The following TMEM204 variants were observed in gnomAD, a reference collection of about 807,000 sequenced individuals.
TMEM204 encodes transmembrane protein 204.
In TMEM204, 15 loss-of-function variants were observed where a neutral mutation model predicts 19.4. The ratio of observed to expected loss-of-function variants is 0.77; its 90% CI spans 0.52 to 1.19. The LOEUF (loss-of-function observed/expected upper bound fraction) is 1.19. Among genes scored for constraint, TMEM204 ranks in the 50% most tolerant of loss-of-function variants. The probability of loss-of-function intolerance (pLI) is 0.00; values close to 1 mark genes in which losing one functional copy is unlikely to be tolerated. For synonymous variants in TMEM204, 161 were observed against 146.0 expected (o/e 1.10, Z -0.74); for missense variants, 287 against 321.2 (o/e 0.89, Z 0.81).
chr16:1,541,022 T>C (rs2031581556), intron 1 of TMEM204: 1 of 985,244 alleles, frequency 1.0e-6, no homozygotes, highest in Non-Finnish European at 1.2e-6. Context: ...CGGGAGAACA[T>C]TTCTCTGCTA....
At chr16:1,548,866 G>A (rs1231095598) in intron 2 of TMEM204, among the ~76,000 whole-genome samples, 1 of 152,260 alleles carries the variant, frequency 6.6e-6, no homozygotes, top group East Asian at 1.9e-4. Context: ...AGCTACAGGC[G>A]CCTCTGCATT....
intron 2 of TMEM204, among the ~76,000 whole-genome samples, chr16:1,547,378 T>G (rs1485425076): frequency 6.6e-6 from 1 of 152,244 alleles, no homozygotes; most frequent in African/African-American, 2.4e-5. Context: ...CTGGAGACGC[T>G]GACTTTATCA....
rs544853706 is a variant in TMEM204, at chr16:1,535,570, C to T, written c.280+1015C>T. On this transcript the variant is annotated intron_variant, in intron 1 of 2. Coordinates refer to ENST00000566264, the MANE Select transcript of TMEM204 (RefSeq NM_024600.6). ...AGGCTTCCGAGGGAGTCCCGGAGTA[C>T]TGGGGTAACACACATCACGTGTGCC... Among the ~76,000 whole-genome samples the T allele has an allele frequency of 2.0e-5, 3 of 152,302 alleles. No individual in the cohort carries two copies. The South Asian group carries it at 6.2e-4, about 32-fold the overall frequency.
chr16:1,532,675 G>A (rs1269972628), upstream of TMEM204: 1 of 152,416 alleles, frequency 6.6e-6, no homozygotes, highest in East Asian at 1.9e-4. Context: ...CACGGATGTG[G>A]GACACCTGCA....
chr16:1,547,563 G>A (rs549802211), intron 2 of TMEM204, among the ~76,000 whole-genome samples: 2 of 152,090 alleles, frequency 1.3e-5, no homozygotes, highest in African/African-American at 2.4e-5. Context: ...TCGAGATAGG[G>A]TCTCACTCCG....
chr16:1,553,118 T>C lies in TMEM204; in HGVS notation c.437-1664T>C. 2.0e-6 allele frequency: 2 copies of C among 985,402 alleles called. No individual in the cohort carries two copies. The highest frequency in any genetic ancestry group is 2.4e-6 in the Non-Finnish European group (2 of 829,928). 61.0% of individuals were successfully genotyped at this position (985,402 alleles called of 1,614,324 possible). ...TCATACTTTCTGGAGGGTACAGTGA[T>C]GATGAAAAGATAATGCTTGGGTTTT... On this transcript the variant is annotated intron_variant, in intron 2 of 2. Transcript: ENST00000566264. This position sits in a 1 kb window ranked among gnomAD's most constrained non-coding sequence, Gnocchi z 4.4.
Position 1,553,690 on chromosome 16 carries a change from G to T in TMEM204, c.437-1092G>T. On this transcript the variant is annotated intron_variant, in intron 2 of 2. Coordinates refer to ENST00000566264, the MANE Select transcript of TMEM204 (RefSeq NM_024600.6). The surrounding 1 kb of genome is among the most constrained non-coding windows in gnomAD (Gnocchi z 4.4). ...GAAGCGGGGCTGGGGCTGAAGGCTG[G>T]CTGGAGGCCCCATGGCCTCCAGGAC... The T allele has an allele frequency of 9.4e-7, 1 of 1,065,908 alleles. No individual in the cohort carries two copies. The highest frequency in any genetic ancestry group is 1.1e-6 in the Non-Finnish European group (1 of 874,128). 66.0% of individuals were successfully genotyped at this position (1,065,908 alleles called of 1,614,324 possible).
chr16:1,547,106 T>G (rs1567354740), intron 2 of TMEM204, among the ~76,000 whole-genome samples: 1 of 152,238 alleles, frequency 6.6e-6, no homozygotes, highest in African/African-American at 2.4e-5. Context: ...CTCGCCTGCT[T>G]CTTCCTTGAA....
intron 1 of TMEM204, among the ~76,000 whole-genome samples, chr16:1,539,469 C>T (rs913881664): frequency 1.3e-5 from 2 of 152,278 alleles, no homozygotes; most frequent in Non-Finnish European, 2.9e-5. Context: ...TCTGGCCCCA[C>T]GGCCACCTAT....
chr16:1,530,011 T>C (rs116373286), upstream of TMEM204, among the ~76,000 whole-genome samples: 1,429 of 152,188 alleles, frequency 9.4e-3, 19 homozygotes, highest in African/African-American at 0.033. Context: ...TTCTCTAACA[T>C]CTGGGTGGTG....
At position 1,542,013 on chromosome 16, in the gene TMEM204, C is replaced by G. The variant is rs1254748692; in HGVS notation, c.373C>G (p.Pro125Ala). ...LTFLLGLVGL[P>A]LLSPDAPCWE... is the part of the protein sequence containing the mutation. ...CTTCCTCCTGGGGCTGGTGGGCCTG[C>G]CCCTGCTGTCACCCGACGCCCCGTG... The change falls in exon 2 of 3, where the codon CCC becomes GCC. Residue 125 changes from proline (P) to alanine (A), a missense_variant. Pro to Ala is a conservative substitution (Grantham distance 27, BLOSUM62 -1). Coordinates refer to ENST00000566264, the MANE Select transcript of TMEM204 (RefSeq NM_024600.6). 1 of 1,611,356 alleles carries G rather than the reference C, an allele frequency of 6.2e-7. No individual in the cohort carries two copies. Among genetic ancestry groups the G allele is most frequent in the Non-Finnish European group, 8.5e-7 (1 of 1,179,618 alleles).
At chr16:1,544,786 C>T (rs1259524765) in intron 2 of TMEM204, among the ~76,000 whole-genome samples, 1 of 150,978 alleles carries the variant, frequency 6.6e-6, no homozygotes, top group Non-Finnish European at 1.5e-5. Context: ...GTAGCTGGGA[C>T]TACAGGCACC....
chr16:1,529,067 G>A (rs963682275), upstream of TMEM204, among the ~76,000 whole-genome samples: 3 of 152,202 alleles, frequency 2.0e-5, no homozygotes, highest in East Asian at 1.9e-4. Flanking sequence ...GCCCTGCGGT[G>A]GTGTCTGTGG....
chr16:1,533,920 T>C lies in TMEM204; in HGVS notation c.-356T>C. On this transcript the variant is annotated 5_prime_UTR_variant, in exon 1 of 3. Transcript: ENST00000566264. This position sits in a 1 kb window ranked among gnomAD's most constrained non-coding sequence, Gnocchi z 4.7. ...TGCCGGCCTCCCGAGTGACTCTGTT[T>C]TCCACTGCTGCAGGCGAGAAGAGGC... 3.1e-6 allele frequency: 1 copy of C among 326,920 alleles called. No individual in the cohort carries two copies. The highest frequency in any genetic ancestry group is 5.6e-6 in the Non-Finnish European group (1 of 177,354). 20.3% of individuals were successfully genotyped at this position (326,920 alleles called of 1,614,324 possible). A position where few individuals can be genotyped will look rare whatever the true frequency, so the allele number is the denominator to read the frequency against.
chr16:1,538,702 C>T (rs1334440572), intron 1 of TMEM204, among the ~76,000 whole-genome samples: 1 of 152,210 alleles, frequency 6.6e-6, no homozygotes, highest in Admixed American at 6.5e-5. Context: ...AAAGATGGCA[C>T]AGCACCGTGC....
At chr16:1,540,956 G>A (rs2031575510) in intron 1 of TMEM204, 1 of 985,398 alleles carries the variant, frequency 1.0e-6, no homozygotes, top group Non-Finnish European at 1.2e-6. Context: ...GCAGGGGCCT[G>A]GGAACACACT....
chr16:1,550,491 AG>A (rs949996709), intron 2 of TMEM204, among the ~76,000 whole-genome samples: 2 of 152,280 alleles, frequency 1.3e-5, no homozygotes, highest in Admixed American at 1.3e-4. Flanking sequence ...ACAACAGTTC[AG>A]GAAGCAGCGT....
chr16:1,549,335 T>G (rs779477062), intron 2 of TMEM204, among the ~76,000 whole-genome samples: 5 of 152,258 alleles, frequency 3.3e-5, no homozygotes, highest in Admixed American at 6.5e-5. Context: ...GCAACAAAAA[T>G]GCCAAGTAAG....
At position 1,553,995 on chromosome 16, in the gene TMEM204, AC is replaced by A; in HGVS notation, c.437-785del. The A allele has an allele frequency of 7.8e-7, 1 of 1,287,228 alleles. No individual in the cohort carries two copies. The highest frequency in any genetic ancestry group is 1.2e-5 in the South Asian group (1 of 80,942). The allele number at this position is 1,287,228 out of a possible 1,614,324, so 79.7% of individuals were successfully genotyped here. On this transcript the variant is annotated intron_variant, in intron 2 of 2. Coordinates refer to ENST00000566264, the MANE Select transcript of TMEM204 (RefSeq NM_024600.6). The surrounding 1 kb of genome is among the most constrained non-coding windows in gnomAD (Gnocchi z 4.4). ...AACTAGACGGGAACAAGCTGCGCCA[AC>A]CAAGGGTTGCTCACGGCCCACCTCT...
Sources: gnomAD v4.1 joint callset for allele counts (sites outside exome capture counted in the v4.1 genomes callset) on GRCh38, gnomAD v4.1.1 for gene constraint, Gnocchi (gnomAD v3.1) non-coding constraint, MANE v1.5 for transcripts, NCBI Gene and HGNC (gene_info 2026-07-23, HGNC 2026-07-21) for gene names.